The following SLC4A7 variants were observed in gnomAD, a reference collection of about 807,000 sequenced individuals.
SLC4A7 encodes the protein solute carrier family 4 member 7.
Under a neutral mutation model 137.6 loss-of-function variants are expected in SLC4A7, and 51 were observed. The ratio of observed to expected loss-of-function variants is 0.37; its 90% CI spans 0.30 to 0.47. The LOEUF is 0.47. Ranked by LOEUF, SLC4A7 falls within the 20% of genes least tolerant of loss-of-function variation. The pLI is 1.00. For missense variants in SLC4A7, 1,247 were observed against 1,525.4 expected, an observed-to-expected ratio of 0.82 and a Z score of 3.04; for synonymous variants, 542 against 518.6, an observed-to-expected ratio of 1.05 and a Z score of -0.61.
Position 27,376,581 on chromosome 3 carries a change from A to T in SLC4A7, c.*183T>A, listed in dbSNP as rs571633635. On this transcript the variant is annotated 3_prime_UTR_variant, in exon 26 of 26. Transcript: ENST00000454389. ...AGTTAAGAACCATGTACCTCACTTC[A>T]AAGAGAGCATTTCATTAAATACATA... The T allele has an allele frequency of 2.3e-5, 9 of 391,490 alleles. No individual in the cohort carries two copies. The South Asian group carries it at 7.4e-4, about 32-fold the overall frequency. 24.3% of individuals were successfully genotyped at this position (391,490 alleles called of 1,614,324 possible).
In SLC4A7 at chr3:27,435,654, A is replaced by G. The variant is rs2056676827; in HGVS notation, c.589+734T>C. ...CAGGAGTTCAAGAACAGCATGGGCTACATGGCGAAAACCCGTCTCTACAAA... is the reference window on the plus strand; with the variant it reads ...CAGGAGTTCAAGAACAGCATGGGCTGCATGGCGAAAACCCGTCTCTACAAA... On this transcript the variant is annotated intron_variant, in intron 5 of 25. Transcript: ENST00000454389. 2.0e-5 allele frequency among the ~76,000 whole-genome samples: 3 copies of G among 152,240 alleles called. No homozygotes were observed. In the South Asian group the frequency reaches 6.2e-4, roughly 31 times the overall value.
At chr3:27,421,391 G>A (rs911883646) in intron 9 of SLC4A7, among the ~76,000 whole-genome samples, 1 of 152,050 alleles carries the variant, frequency 6.6e-6, no homozygotes, top group African/African-American at 2.4e-5. Flanking sequence ...GACTACTAGG[G>A]AGGCTAAGGC....
chr3:27,459,799 G>A (rs972860614), intron 1 of SLC4A7, among the ~76,000 whole-genome samples: 13 of 151,862 alleles, frequency 8.6e-5, no homozygotes, highest in African/African-American at 3.1e-4. Flanking sequence ...ATTACATTCT[G>A]TTGTGTCTTG....
intron 1 of SLC4A7, among the ~76,000 whole-genome samples, chr3:27,478,847 A>G (rs1473185095): frequency 2.0e-5 from 3 of 150,870 alleles, no homozygotes; most frequent in Admixed American, 6.6e-5. Flanking sequence ...AAAAAAAAAA[A>G]AAAGAGAGAG....
chr3:27,437,292 A>T, intron 4 of SLC4A7, 96 bp downstream of exon 4: 1 of 626,296 alleles, frequency 1.6e-6, no homozygotes, highest in Non-Finnish European at 2.4e-6. Flanking sequence ...CAGAAGTTGC[A>T]GTGAGCCCAG....
At chr3:27,445,707 C>T (rs1434856166) in intron 3 of SLC4A7, among the ~76,000 whole-genome samples, 3 of 142,788 alleles carry the variant, frequency 2.1e-5, no homozygotes, top group Non-Finnish European at 4.5e-5. Flanking sequence ...CACTTGAGGT[C>T]AGGAGTTCGA....
At chr3:27,391,504 T>C (rs2307032) in intron 21 of SLC4A7, among the ~76,000 whole-genome samples, 40,372 of 152,104 alleles carry the variant, frequency 0.27, 6,745 homozygotes, top group East Asian at 0.57. Flanking sequence ...GGGCTTTTCA[T>C]TGGCTTCAAT....
intron 13 of SLC4A7, among the ~76,000 whole-genome samples, chr3:27,405,451 A>G (rs1445797897): frequency 6.6e-6 from 1 of 152,186 alleles, no homozygotes; most frequent in Non-Finnish European, 1.5e-5. Context: ...AGAGACACAT[A>G]CTAGGGCTTC....
intron 1 of SLC4A7, among the ~76,000 whole-genome samples, chr3:27,482,699 G>C (rs574115225): frequency 1.3e-5 from 2 of 152,134 alleles, no homozygotes; most frequent in African/African-American, 2.4e-5. Context: ...TTGAACCTGG[G>C]AGGAGGAGGT....
intron 12 of SLC4A7, among the ~76,000 whole-genome samples, chr3:27,410,895 A>G (rs1423906110): frequency 1.3e-5 from 2 of 152,162 alleles, no homozygotes; most frequent in African/African-American, 2.4e-5. Flanking sequence ...ATGATATAGT[A>G]CCCTTTAAGG....
chr3:27,461,585 A>G (rs1026872967), intron 1 of SLC4A7, among the ~76,000 whole-genome samples: 123 of 150,998 alleles, frequency 8.1e-4, no homozygotes, highest in African/African-American at 2.5e-3. Flanking sequence ...TAGCCTAGGC[A>G]ACACAGAAAG....
intron 9 of SLC4A7, 64 bp downstream of exon 9, chr3:27,421,558 C>T (rs577052179): frequency 8.0e-7 from 1 of 1,255,302 alleles, no homozygotes; most frequent in Admixed American, 2.2e-5. Context: ...TGTTCATTCG[C>T]TGGATTAAAA....
chr3:27,409,986 G>A (rs2150208500), intron 12 of SLC4A7, among the ~76,000 whole-genome samples: 1 of 152,296 alleles, frequency 6.6e-6, no homozygotes, highest in East Asian at 1.9e-4. Flanking sequence ...AGTATGTTGT[G>A]CTTAGATGCA....
rs1229729039 is a variant in SLC4A7, at chr3:27,418,472, C to A, written c.1659+14G>T. On this transcript the variant is annotated intron_variant, in intron 11 of 25. Transcript: ENST00000454389. ...AATAAAGTAAGTCACAGAAGAATAGCTCTGGATTCTTACCTGAGAAGGGAC... is the reference window on the plus strand; with the variant it reads ...AATAAAGTAAGTCACAGAAGAATAGATCTGGATTCTTACCTGAGAAGGGAC... The A allele has an allele frequency of 6.3e-7, 1 of 1,595,164 alleles. No individual in the cohort carries two copies. The highest frequency in any genetic ancestry group is 1.4e-5 in the African/African-American group (1 of 74,072).
intron 5 of SLC4A7, among the ~76,000 whole-genome samples, chr3:27,434,919 A>C (rs1001066808): frequency 6.6e-6 from 1 of 152,186 alleles, no homozygotes; most frequent in African/African-American, 2.4e-5. Context: ...TGAACACTAG[A>C]TTATACAACA....
chr3:27,460,246 C>A (rs2058625940), intron 1 of SLC4A7, among the ~76,000 whole-genome samples: 2 of 152,008 alleles, frequency 1.3e-5, no homozygotes, highest in African/African-American at 4.8e-5. Flanking sequence ...GTTGGCTAGG[C>A]TGGTCCCAAA....
chr3:27,480,880 A>C (rs2059678663), intron 1 of SLC4A7, among the ~76,000 whole-genome samples: 1 of 152,198 alleles, frequency 6.6e-6, no homozygotes, highest in African/African-American at 2.4e-5. Flanking sequence ...CACTGTGTTC[A>C]CACCATACGC....
chr3:27,444,629 A>AT (rs2057454159), intron 3 of SLC4A7, among the ~76,000 whole-genome samples: 1 of 151,914 alleles, frequency 6.6e-6, no homozygotes, highest in Non-Finnish European at 1.5e-5. Context: ...CAGATACTGT[A>AT]TTTTTTCCTC....
intron 11 of SLC4A7, among the ~76,000 whole-genome samples, chr3:27,417,767 T>G (rs757599130): frequency 6.6e-6 from 1 of 151,940 alleles, no homozygotes; most frequent in Non-Finnish European, 1.5e-5. Context: ...AAAACTCAAT[T>G]AAAAACCTCA....
Sources: gnomAD v4.1 joint callset for allele counts (sites outside exome capture counted in the v4.1 genomes callset) on GRCh38, gnomAD v4.1.1 for gene constraint, MANE v1.5 for transcripts, NCBI Gene and HGNC (gene_info 2026-07-23, HGNC 2026-07-21) for gene names.